The following DIAPH3 variants were observed in gnomAD, a reference collection of about 807,000 sequenced individuals.
DIAPH3 encodes the protein protein diaphanous homolog 3.
DIAPH3 carries 117 observed loss-of-function variants against 144.3 expected under a neutral mutation model. That is an observed-to-expected ratio of 0.81 (90% confidence interval 0.70 to 0.95). The LOEUF is 0.95. Ranked by LOEUF, DIAPH3 falls within the 40% of genes least tolerant of loss-of-function variation. The pLI, the probability that DIAPH3 is intolerant of heterozygous loss-of-function variation, is 0.00. For missense variants in DIAPH3, 1,421 were observed against 1,412.7 expected (o/e 1.01, Z -0.09); for synonymous variants, 519 against 488.9 (o/e 1.06, Z -0.81).
intron 25 of DIAPH3, among the ~76,000 whole-genome samples, chr13:59,784,122 G>A (rs903866855): frequency 1.3e-5 from 2 of 151,718 alleles, no homozygotes; most frequent in Non-Finnish European, 2.9e-5. Flanking sequence ...TTGCTCTGTC[G>A]CCCAGGCTGG....
At chr13:59,893,895 C>G (rs925462146) in intron 20 of DIAPH3, among the ~76,000 whole-genome samples, 1 of 152,066 alleles carries the variant, frequency 6.6e-6, no homozygotes, top group African/African-American at 2.4e-5. Flanking sequence ...TCTCTATATT[C>G]CAAACATAAA....
intron 4 of DIAPH3, 140 bp downstream of exon 4, chr13:60,093,487 TA>T: frequency 1.6e-6 from 1 of 630,838 alleles, no homozygotes; most frequent in Non-Finnish European, 2.8e-6. Context: ...AAATGTATAA[TA>T]TACTTGTGCC....
In DIAPH3 at chr13:59,991,707, C is replaced by G. The variant is rs1176163242; in HGVS notation, c.1244+361G>C. 4.6e-5 allele frequency among the ~76,000 whole-genome samples: 7 copies of G among 151,942 alleles called. 1 individual carries two copies. The highest frequency in any genetic ancestry group is 4.6e-4 in the Admixed American group (7 of 15,224). On this transcript the variant is annotated intron_variant, in intron 11 of 27. Transcript: ENST00000400324. ...CAGACCCACAGATTAACATGCGACCCATGAGTATGCACCCAAGATGCAGGG... is the reference window on the plus strand; with the variant it reads ...CAGACCCACAGATTAACATGCGACCGATGAGTATGCACCCAAGATGCAGGG...
chr13:59,940,506 A>G (rs774350409), intron 17 of DIAPH3, among the ~76,000 whole-genome samples: 13 of 152,230 alleles, frequency 8.5e-5, no homozygotes, highest in African/African-American at 3.1e-4. Flanking sequence ...ACTCTGGCTC[A>G]TGTCAAAATT....
At chr13:59,837,144 G>A (rs530686261) in intron 23 of DIAPH3, among the ~76,000 whole-genome samples, 1 of 152,096 alleles carries the variant, frequency 6.6e-6, no homozygotes, top group East Asian at 1.9e-4. Flanking sequence ...TGCACCAACT[G>A]TTCATATATC....
At chr13:59,769,237 A>G (rs1251087925) in intron 27 of DIAPH3, among the ~76,000 whole-genome samples, 2 of 152,164 alleles carry the variant, frequency 1.3e-5, no homozygotes, top group African/African-American at 4.8e-5. Flanking sequence ...CCTGAAAAAC[A>G]CCAGTCACTC....
chr13:59,744,263 G>C (rs957887615), intron 27 of DIAPH3, among the ~76,000 whole-genome samples: 1 of 152,086 alleles, frequency 6.6e-6, no homozygotes, highest in Admixed American at 6.6e-5. Flanking sequence ...AGATTATATT[G>C]GTCAATTATC....
At chr13:59,894,081 G>T (rs1428577699) in intron 20 of DIAPH3, among the ~76,000 whole-genome samples, 3 of 152,016 alleles carry the variant, frequency 2.0e-5, no homozygotes, top group African/African-American at 7.2e-5. Context: ...CATTGATTTG[G>T]TGGGTGCATT....
At chr13:59,970,504 T>G (rs778538523) in intron 16 of DIAPH3, among the ~76,000 whole-genome samples, 4 of 152,128 alleles carry the variant, frequency 2.6e-5, no homozygotes, top group Admixed American at 6.5e-5. Flanking sequence ...TAGAGAAAAT[T>G]TCCTAAGAAC....
At chr13:60,149,601 A>T (rs1951689677) in intron 1 of DIAPH3, among the ~76,000 whole-genome samples, 1 of 151,978 alleles carries the variant, frequency 6.6e-6, no homozygotes, top group Non-Finnish European at 1.5e-5. Context: ...ATATAAATAA[A>T]TAAATTAGCC....
chr13:60,034,897 GA>G (rs2055096257), intron 5 of DIAPH3: 1 of 152,134 alleles, frequency 6.6e-6, no homozygotes, highest in African/African-American at 2.4e-5. Flanking sequence ...GTAGTTATAT[GA>G]AACTGCGTTA....
At chr13:59,813,860 A>C (rs1250225395) in intron 24 of DIAPH3, among the ~76,000 whole-genome samples, 2 of 134,982 alleles carry the variant, frequency 1.5e-5, no homozygotes, top group African/African-American at 5.5e-5. Flanking sequence ...CTTTGTCTCA[A>C]AAAAAAAAAA....
chr13:59,714,307 C>T (rs2034926336), intron 27 of DIAPH3, among the ~76,000 whole-genome samples: 1 of 142,696 alleles, frequency 7.0e-6, no homozygotes, highest in East Asian at 2.0e-4. Flanking sequence ...TTGCAGTGAG[C>T]CGAGATCCCG....
chr13:59,780,951 T>C (rs2038703948), intron 25 of DIAPH3, among the ~76,000 whole-genome samples: 1 of 152,098 alleles, frequency 6.6e-6, no homozygotes, highest in African/African-American at 2.4e-5. Flanking sequence ...TTGTAAAAAA[T>C]ACTCATTCAG....
intron 26 of DIAPH3, 49 bp from the exon 27 acceptor site, chr13:59,774,297 T>C: frequency 4.0e-6 from 6 of 1,496,948 alleles, no homozygotes; most frequent in Admixed American, 1.8e-5. Flanking sequence ...TCTGGGCATC[T>C]CAAGAAGGAA....
intron 20 of DIAPH3, 40 bp from the exon 21 acceptor site, chr13:59,879,508 T>C: frequency 6.8e-6 from 11 of 1,612,252 alleles, no homozygotes; most frequent in South Asian, 1.1e-5. Context: ...TTAAAATGCA[T>C]GGTATAGTTT....
intron 27 of DIAPH3, among the ~76,000 whole-genome samples, chr13:59,726,708 G>A (rs2035617124): frequency 6.6e-6 from 1 of 152,024 alleles, no homozygotes. Context: ...TGATCTGTGG[G>A]GCTATTCCGT....
chr13:59,895,960 C>T (rs2046070939), intron 20 of DIAPH3, among the ~76,000 whole-genome samples: 1 of 152,216 alleles, frequency 6.6e-6, no homozygotes, highest in Non-Finnish European at 1.5e-5. Flanking sequence ...AAGGTAAACT[C>T]TATTTTTAAA....
intron 21 of DIAPH3, among the ~76,000 whole-genome samples, chr13:59,872,083 G>T (rs1322651907): frequency 6.6e-6 from 1 of 152,020 alleles, no homozygotes; most frequent in African/African-American, 2.4e-5. Context: ...ATTGATATCT[G>T]CTCTAGTATA....
Sources: gnomAD v4.1 joint callset for allele counts (sites outside exome capture counted in the v4.1 genomes callset) on GRCh38, gnomAD v4.1.1 for gene constraint, MANE v1.5 for transcripts, NCBI Gene and HGNC (gene_info 2026-07-23, HGNC 2026-07-21) for gene names.